Variants in AHNAK2 observed in about 807,000 individuals in gnomAD.
The protein encoded by AHNAK2 is protein AHNAK2.
AHNAK2 carries 18 observed loss-of-function variants against 30.7 expected under a neutral mutation model. That is an observed-to-expected ratio of 0.59 (90% CI 0.41 to 0.87). The LOEUF is 0.87. AHNAK2 is among the 40% of genes least tolerant of loss of function. The probability of loss-of-function intolerance (pLI) is 0.00; values close to 1 mark genes in which losing one functional copy is unlikely to be tolerated. For synonymous variants in AHNAK2, 3,590 were observed against 3,073.8 expected, an observed-to-expected ratio of 1.17 and a Z score of -5.56; for missense variants, 8,604 against 7,373.0, an observed-to-expected ratio of 1.17 and a Z score of -6.11.
chr14:104,947,192 A>T lies in AHNAK2; in HGVS notation c.8259T>A (p.Val2753=), dbSNP rs749659848. Residue 2753 remains valine, a synonymous_variant, in exon 7 of 7, where the codon GTT becomes GTA. Coordinates refer to ENST00000333244, the MANE Select transcript of AHNAK2 (RefSeq NM_138420.4). ...EVDLKGPQID[V]KGPNVDLKGP... is the part of the protein sequence containing the mutation. ...CTTTCAGGTCCACGTTGGGGCCCTTAACATCTATCTGGGGGCCCTTGAGGT... is the reference window on the plus strand; with the variant it reads ...CTTTCAGGTCCACGTTGGGGCCCTTTACATCTATCTGGGGGCCCTTGAGGT... 6.2e-7 allele frequency: 1 copy of T among 1,609,964 alleles called. No individual in the cohort carries two copies. Among genetic ancestry groups the T allele is most frequent in the Admixed American group, 1.7e-5 (1 of 59,676 alleles).
intron 1 of AHNAK2, among the ~76,000 whole-genome samples, chr14:104,962,210 T>G (rs1794289407): frequency 6.6e-6 from 1 of 152,018 alleles, no homozygotes. Flanking sequence ...AGCCGGTGCA[T>G]GCTGCTCTCA....
At chr14:104,964,134 C>A (rs1014999646) in intron 1 of AHNAK2, among the ~76,000 whole-genome samples, 1 of 152,184 alleles carries the variant, frequency 6.6e-6, no homozygotes, top group Non-Finnish European at 1.5e-5. Context: ...ACAAAGAATT[C>A]TTGCAAACCA....
intron 1 of AHNAK2, among the ~76,000 whole-genome samples, chr14:104,976,296 C>T (rs950365031): frequency 1.8e-4 from 27 of 152,166 alleles, no homozygotes; most frequent in Admixed American, 9.2e-4. Flanking sequence ...GGGGCAGCCT[C>T]GGCACAAAAG....
At chr14:104,957,783 C>G (rs1305494061) in intron 1 of AHNAK2, 111 bp from the exon 2 acceptor site, 4 of 1,125,470 alleles carry the variant, frequency 3.6e-6, no homozygotes, top group Non-Finnish European at 5.1e-6. Flanking sequence ...TAGTCCTTTC[C>G]TGGACACTGG....
In AHNAK2 at chr14:104,942,820, C is replaced by T. The variant is rs368844655; in HGVS notation, c.12631G>A (p.Gly4211Ser). Residue 4211 changes from glycine to serine, a missense_variant, in exon 7 of 7, where the codon GGC (glycine) becomes AGC (serine). By Grantham distance (56) the Gly-to-Ser change is moderately conservative. Coordinates refer to ENST00000333244, the MANE Select transcript of AHNAK2 (RefSeq NM_138420.4). ...LPEGPLPKGA[G>S]LKGHLPKVQM... ...ACCTTGGGGAGGTGCCCTTTGAGGC[C>T]GGCTCCCTTGGGCAGGGGGCCCTCC... The T allele has an allele frequency of 3.8e-4, 613 of 1,610,950 alleles. 2 individuals are homozygous for T. The African/African-American group carries it at 7.1e-3, about 19-fold the overall frequency.
At chr14:104,977,870 G>A (rs1004291098) in intron 1 of AHNAK2, among the ~76,000 whole-genome samples, 3 of 152,202 alleles carry the variant, frequency 2.0e-5, no homozygotes, top group African/African-American at 7.2e-5. Flanking sequence ...GAGACAGACA[G>A]GGACCGCGAG....
At position 104,941,376 on chromosome 14, in the gene AHNAK2, T is replaced by G. The variant is rs1178674141; in HGVS notation, c.14075A>C (p.Glu4692Ala). Reference sequence around the variant, plus strand: ...CTTAAACTTCGAATCCATTCCAACTTCTCCAACAGCAAGCCCCAAGTTACC... The same window carrying G: ...CTTAAACTTCGAATCCATTCCAACTGCTCCAACAGCAAGCCCCAAGTTACC... ...RDGNLGLAVG[E>A]VGMDSKFKKL... The change falls in exon 7 of 7, where the codon GAA (glutamate) becomes GCA (alanine). Residue 4692 changes from glutamate to alanine, a missense_variant. Transcript: ENST00000333244. 1.2e-6 allele frequency: 2 copies of G among 1,613,240 alleles called. No individual in the cohort carries two copies. The highest frequency in any genetic ancestry group is 1.7e-6 in the Non-Finnish European group (2 of 1,179,882).
rs758892424 is a variant in AHNAK2, at chr14:104,940,287, C to G, written c.15164G>C (p.Gly5055Ala). 28 of 1,613,626 alleles carry G rather than the reference C, an allele frequency of 1.7e-5. No homozygotes were observed. Among genetic ancestry groups the G allele is most frequent in the African/African-American group, 2.7e-5 (2 of 74,916 alleles). ...CTTTTCTGTGTCTTGAAAGCTACCC[C>G]CTGCTGTGGCACTAGAAAGGGAAGG... ...VDPSLSSATA[G>A]GSFQDTEKAS... Residue 5055 changes from glycine (G) to alanine (A), a missense_variant, in exon 7 of 7, where the codon GGG becomes GCG. By Grantham distance (60) the Gly-to-Ala change is moderately conservative. Transcript: ENST00000333244. The surrounding 1 kb of genome is among the most constrained non-coding windows in gnomAD (Gnocchi z 4.4).
intron 1 of AHNAK2, among the ~76,000 whole-genome samples, chr14:104,972,809 C>T (rs1034229400): frequency 3.9e-5 from 6 of 152,262 alleles, no homozygotes; most frequent in South Asian, 2.1e-4. Flanking sequence ...CTTGCTCCCC[C>T]GCCAGGCACT....
chr14:104,942,365 C>T lies in AHNAK2; in HGVS notation c.13086G>A (p.Glu4362=), dbSNP rs1898030625. 1 of 1,613,042 alleles carries T rather than the reference C, an allele frequency of 6.2e-7. No homozygotes were observed. ...CAGGGCCCTCTGGGAGTTTCACATC[C>T]TCTTGGCCAGCCTGGACCTCCAGAT... ...SADLEVQAGQ[E]DVKLPEGPVH... Residue 4362 remains glutamate, a synonymous_variant, in exon 7 of 7, where the codon GAG becomes GAA. Coordinates refer to ENST00000333244, the MANE Select transcript of AHNAK2 (RefSeq NM_138420.4).
Position 104,952,270 on chromosome 14 carries a change from G to T in AHNAK2, c.3181C>A (p.Gln1061Lys). The T allele has an allele frequency of 6.2e-7, 1 of 1,612,484 alleles. No individual in the cohort carries two copies. The highest frequency in any genetic ancestry group is 8.5e-7 in the Non-Finnish European group (1 of 1,179,606). The change falls in exon 7 of 7, where the codon CAG (glutamine) becomes AAG (lysine). Residue 1061 changes from glutamine to lysine, a missense_variant. Physicochemically the swap from Gln to Lys is moderately conservative, Grantham distance 53. Transcript: ENST00000333244. ...ASTDLKVQADQVDVKLPEGHL... is the reference protein window; with the variant it reads ...ASTDLKVQADKVDVKLPEGHL... ...CCCTCCGGGAGCTTCACATCCACCTGGTCAGCCTGGACCTTCAGGTCAGTA... is the reference window on the plus strand; with the variant it reads ...CCCTCCGGGAGCTTCACATCCACCTTGTCAGCCTGGACCTTCAGGTCAGTA...
rs1377074116 is a variant in AHNAK2, at chr14:104,945,527, G to A, written c.9924C>T (p.Phe3308=). The A allele has an allele frequency of 6.2e-7, 1 of 1,612,478 alleles. No homozygotes were observed. Among genetic ancestry groups the A allele is most frequent in the South Asian group, 1.1e-5 (1 of 90,946 alleles). Residue 3308 remains phenylalanine (F), a synonymous_variant, in exon 7 of 7, where the codon TTC becomes TTT. Coordinates refer to ENST00000333244, the MANE Select transcript of AHNAK2 (RefSeq NM_138420.4). ...DKDVTAKDSK[F]KMPKFKMPSY... is the part of the protein sequence containing the mutation. Reference sequence around the variant, plus strand: ...ACGGCATCTTGAATTTGGGCATTTTGAACTTGCTGTCTTTGGCAGTCACAT... The same window carrying A: ...ACGGCATCTTGAATTTGGGCATTTTAAACTTGCTGTCTTTGGCAGTCACAT...
intron 1 of AHNAK2, among the ~76,000 whole-genome samples, chr14:104,969,935 G>T (rs538960329): frequency 1.6e-4 from 24 of 152,144 alleles, no homozygotes; most frequent in African/African-American, 5.3e-4. Context: ...ACCCCCAGGA[G>T]AGTAAACCTG....
chr14:104,952,729 C>T lies in AHNAK2; in HGVS notation c.2722G>A (p.Glu908Lys), dbSNP rs745555075. The T allele has an allele frequency of 2.5e-5, 41 of 1,612,860 alleles. No homozygotes were observed. The highest frequency in any genetic ancestry group is 1.6e-4 in the Middle Eastern group (1 of 6,074). Residue 908 changes from glutamate to lysine, a missense_variant, in exon 7 of 7, where the codon GAG (glutamate) becomes AAG (lysine). Transcript: ENST00000333244. ...DVKLPEGPVP[E>K]GAGPKVHLPK... ...AGGTGCACTTTGGGGCCGGCTCCCTCGGGCACAGGGCCCTCCGGAAGTTTC... is the reference window on the plus strand; with the variant it reads ...AGGTGCACTTTGGGGCCGGCTCCCTTGGGCACAGGGCCCTCCGGAAGTTTC...
rs117631059 is a variant in AHNAK2, at chr14:104,949,301, G to T, written c.6150C>A (p.Gly2050=). The T allele has an allele frequency of 3.2e-3, 3,387 of 1,065,990 alleles. 620 individuals are homozygous for T. The East Asian group carries it at 0.048, about 15-fold the overall frequency. The allele number at this position is 1,065,990 out of a possible 1,614,324, so 66.0% of individuals were successfully genotyped here. ...CCTCCGGGAGCTTCACATCCACCTG[G>T]CCAGTCTGGACCTTCAGGTCGGCAG... ...PPSADLKVQT[G]QVDVKLPEGH... The change falls in exon 7 of 7, where the codon GGC becomes GGA. Residue 2050 remains glycine (G), a synonymous_variant. Transcript: ENST00000333244.
Position 104,948,589 on chromosome 14 carries a change from C to A in AHNAK2, c.6862G>T (p.Val2288Phe). Residue 2288 changes from valine to phenylalanine, a missense_variant, in exon 7 of 7, where the codon GTC becomes TTC. Transcript: ENST00000333244. ...EVSLPSVEVD[V>F]KAPGAKLDGA... is the part of the protein sequence containing the mutation. ...TCCAGCTTGGCTCCTGGGGCCTTGACGTCCACCTCCACGCTGGGCAGAGAC... is the reference window on the plus strand; with the variant it reads ...TCCAGCTTGGCTCCTGGGGCCTTGAAGTCCACCTCCACGCTGGGCAGAGAC... 2 of 1,612,640 alleles carry A rather than the reference C, an allele frequency of 1.2e-6. No homozygotes were observed. The highest frequency in any genetic ancestry group is 1.7e-6 in the Non-Finnish European group (2 of 1,179,798).
In AHNAK2 at chr14:104,944,457, G is replaced by A; in HGVS notation, c.10994C>T (p.Ala3665Val). ...ACTCACATCGGCTTCCACCTTGGGT[G>A]CAGACACATCCACCGAGGCCTCCAT... ...KSMEASVDVS[A>V]PKVEADVSLP... The change falls in exon 7 of 7, where the codon GCA (alanine) becomes GTA (valine). Residue 3665 changes from alanine to valine, a missense_variant. Physicochemically the swap from Ala to Val is moderately conservative, Grantham distance 64. Coordinates refer to ENST00000333244, the MANE Select transcript of AHNAK2 (RefSeq NM_138420.4). The A allele has an allele frequency of 1.9e-6, 3 of 1,613,244 alleles. No individual in the cohort carries two copies. The highest frequency in any genetic ancestry group is 2.5e-6 in the Non-Finnish European group (3 of 1,179,640).
chr14:104,951,076 C>A lies in AHNAK2; in HGVS notation c.4375G>T (p.Val1459Leu). The change falls in exon 7 of 7, where the codon GTG (valine) becomes TTG (leucine). Residue 1459 changes from valine (V) to leucine (L), a missense_variant. Coordinates refer to ENST00000333244, the MANE Select transcript of AHNAK2 (RefSeq NM_138420.4). ...APDVEVSLPS[V>L]EVDVEAPGAK... ...CCTGGGGCCTCGACATCCACCTCCA[C>A]GCTGGGCAGAGAAACCTCCACATCA... 2 of 1,063,164 alleles carry A rather than the reference C, an allele frequency of 1.9e-6. 1 individual carries two copies. The highest frequency in any genetic ancestry group is 2.7e-6 in the Non-Finnish European group (2 of 733,042). 65.9% of individuals were successfully genotyped at this position (1,063,164 alleles called of 1,614,324 possible).
chr14:104,941,578 C>T lies in AHNAK2; in HGVS notation c.13873G>A (p.Asp4625Asn). Residue 4625 changes from aspartate (D) to asparagine (N), a missense_variant, in exon 7 of 7, where the codon GAC becomes AAC. Transcript: ENST00000333244. ...AGTTTTGGTCCTTGAAACTTACTGT[C>T]TTTCCCAGCTACATCCTCGTGGGCC... ...SLAHEDVAGK[D>N]SKFQGPKLST... is the part of the protein sequence containing the mutation. The T allele has an allele frequency of 6.2e-7, 1 of 1,613,260 alleles. No homozygotes were observed. The highest frequency in any genetic ancestry group is 1.1e-5 in the South Asian group (1 of 91,082).
Sources: allele counts gnomAD v4.1 joint callset (sites outside exome capture counted in the v4.1 genomes callset), GRCh38; gene constraint gnomAD v4.1.1; non-coding constraint Gnocchi (gnomAD v3.1); transcripts MANE v1.5; gene names NCBI Gene and HGNC (gene_info 2026-07-23, HGNC 2026-07-21).